The following WNT5A variants were observed in gnomAD, a reference collection of about 807,000 sequenced individuals.
WNT5A encodes Wnt family member 5A.
WNT5A carries 9 observed loss-of-function variants against 42.1 expected under a neutral mutation model. The observed-to-expected ratio is 0.21, with a 90% confidence interval of 0.13 to 0.37. The LOEUF is 0.37. WNT5A is among the 10% of genes least tolerant of loss of function. The pLI, the probability that WNT5A is intolerant of heterozygous loss-of-function variation, is 1.00. For missense variants in WNT5A, 426 were observed against 534.0 expected (o/e 0.80, Z 1.99); for synonymous variants, 210 against 210.0 (o/e 1.00, Z 0.00).
In WNT5A at chr3:55,485,772, AGAG is replaced by A. The variant is rs1167522098; in HGVS notation, c.6+1205_6+1207del. Among the ~76,000 whole-genome samples, 7 of 152,276 alleles carry A rather than the reference AGAG, an allele frequency of 4.6e-5. No individual in the cohort carries two copies. The East Asian group carries it at 7.7e-4, about 17-fold the overall frequency. On this transcript the variant is annotated intron_variant, in intron 1 of 4. Transcript: ENST00000264634. ...AGAGAAGAGAGAAAAGAGAGGCGAG[AGAG>A]GAGAAGGGGCCTCGATACCAGACAG...
At chr3:55,474,245 G>A (rs2051304626) in intron 4 of WNT5A, 92 bp downstream of exon 4, 2 of 1,517,320 alleles carry the variant, frequency 1.3e-6, no homozygotes, top group Non-Finnish European at 1.8e-6. Context: ...AGTGGCAGAG[G>A]AGAGGACGGA....
chr3:55,472,340 A>G (rs1394572222), intron 4 of WNT5A, among the ~76,000 whole-genome samples: 22 of 152,204 alleles, frequency 1.4e-4, no homozygotes, highest in Admixed American at 1.4e-3. Flanking sequence ...GAAGGCTAAG[A>G]AAGTCCCAAA....
chr3:55,481,227 G>A, intron 1 of WNT5A: 1 of 920,332 alleles, frequency 1.1e-6, no homozygotes, highest in South Asian at 4.9e-5. Flanking sequence ...CTGCTCGCTC[G>A]AGTCCCGCAC....
intron 1 of WNT5A, among the ~76,000 whole-genome samples, 182 bp downstream of exon 1, chr3:55,486,798 A>G (rs2107006639): frequency 6.6e-6 from 1 of 152,254 alleles, no homozygotes; most frequent in African/African-American, 2.4e-5. Context: ...TGGGACACTG[A>G]GGCAGTGCGC....
At position 55,468,057 on chromosome 3, in the gene WNT5A, T is replaced by C. The variant is rs537104308; in HGVS notation, c.*2035A>G. ...GCCTAAGGGGGGTATGAAAGATGTG[T>C]ATCTTTCCAAACTTTTAAAACAACG... On this transcript the variant is annotated 3_prime_UTR_variant, in exon 5 of 5. Transcript: ENST00000264634. The C allele has an allele frequency of 6.6e-6, 1 of 151,776 alleles. No individual in the cohort carries two copies. Among genetic ancestry groups the C allele is most frequent in the South Asian group, 2.1e-4 (1 of 4,808 alleles). 9.4% of individuals were successfully genotyped at this position (151,776 alleles called of 1,614,324 possible). A position where few individuals can be genotyped will look rare whatever the true frequency, so the allele number is the denominator to read the frequency against.
the WNT5A span, among the ~76,000 whole-genome samples, chr3:55,500,634 T>A: frequency 2.2e-4 from 33 of 152,340 alleles, no homozygotes; most frequent in South Asian, 6.8e-3. Flanking sequence ...ACCTGTCTGT[T>A]TGACCCCAAA....
chr3:55,482,265 C>CT (rs2051480749), intron 1 of WNT5A, among the ~76,000 whole-genome samples: 1 of 152,208 alleles, frequency 6.6e-6, no homozygotes, highest in Non-Finnish European at 1.5e-5. Flanking sequence ...GCCTTGGAAG[C>CT]TTCCGCTGCC....
At chr3:55,493,612 C>G (rs1381409937), upstream of WNT5A, among the ~76,000 whole-genome samples, 1 of 152,230 alleles carries the variant, frequency 6.6e-6, no homozygotes, top group Non-Finnish European at 1.5e-5. Flanking sequence ...CAAACCCCTA[C>G]TGACTCACAC....
At position 55,472,189 on chromosome 3, in the gene WNT5A, A is replaced by C. The variant is rs188396324; in HGVS notation, c.685-1639T>G. Among the ~76,000 whole-genome samples the C allele has an allele frequency of 3.1e-4, 47 of 152,152 alleles. 1 individual carries two copies. In the East Asian group the frequency reaches 4.2e-3, roughly 14 times the overall value. On this transcript the variant is annotated intron_variant, in intron 4 of 4. Transcript: ENST00000264634. Reference sequence around the variant, plus strand: ...CTACTCCAATGATCAAATTTACCCCAAAAAAACTCGCTACTAAAAAAATGC... The same window carrying C: ...CTACTCCAATGATCAAATTTACCCCCAAAAAACTCGCTACTAAAAAAATGC...
At chr3:55,494,366 A>C (rs2051692509), upstream of WNT5A, among the ~76,000 whole-genome samples, 1 of 152,178 alleles carries the variant, frequency 6.6e-6, no homozygotes, top group Non-Finnish European at 1.5e-5. Flanking sequence ...ATTCTCCGGA[A>C]GGGAAATCTA....
chr3:55,478,376 T>C (rs1008335291), intron 3 of WNT5A, among the ~76,000 whole-genome samples: 1 of 152,194 alleles, frequency 6.6e-6, no homozygotes, highest in Admixed American at 6.5e-5. Flanking sequence ...CTTCAGTCAG[T>C]ATAGACAGTT....
chr3:55,491,506 C>T (rs568813835), upstream of WNT5A, among the ~76,000 whole-genome samples: 7 of 152,284 alleles, frequency 4.6e-5, no homozygotes, highest in Admixed American at 1.3e-4. Context: ...CTCTCCCAAC[C>T]GGATTATTCA....
rs544912525 is a variant in WNT5A at position 55,470,353 on chromosome 3, G to A, written c.882C>T (p.Pro294=). The change falls in exon 5 of 5, where the codon CCC becomes CCT. Residue 294 remains proline, a synonymous_variant. Transcript: ENST00000264634. Reference sequence around the variant, plus strand: ...CGATGTAGACCAGGTCTTGTGTGGTGGGCGAGTTGAAGCGGCTGTTGACCT... The same window carrying A: ...CGATGTAGACCAGGTCTTGTGTGGTAGGCGAGTTGAAGCGGCTGTTGACCT... ...LVQVNSRFNS[P]TTQDLVYIDP... is the part of the protein sequence containing the mutation. 4.3e-6 allele frequency: 7 copies of A among 1,614,056 alleles called. No individual in the cohort carries two copies. The highest frequency in any genetic ancestry group is 1.7e-5 in the Admixed American group (1 of 60,032).
At position 55,467,728 on chromosome 3, in the gene WNT5A, C is replaced by T. The variant is rs2051169118; in HGVS notation, c.*2364G>A. ...TACAGAATAAAGGCTAGAAGATATA[C>T]ATAATATCTGAATGACATGTAGAAT... On this transcript the variant is annotated 3_prime_UTR_variant, in exon 5 of 5. Coordinates refer to ENST00000264634, the MANE Select transcript of WNT5A (RefSeq NM_003392.7). 6.6e-6 allele frequency: 1 copy of T among 152,450 alleles called. No homozygotes were observed. Among genetic ancestry groups the T allele is most frequent in the African/African-American group, 2.4e-5 (1 of 41,408 alleles). 9.4% of individuals were successfully genotyped at this position (152,450 alleles called of 1,614,324 possible). A position where few individuals can be genotyped will look rare whatever the true frequency, so the allele number is the denominator to read the frequency against.
At chr3:55,471,639 G>A (rs1316188077) in intron 4 of WNT5A, among the ~76,000 whole-genome samples, 1 of 152,246 alleles carries the variant, frequency 6.6e-6, no homozygotes, top group African/African-American at 2.4e-5. Flanking sequence ...ACGAGGACAC[G>A]GCATCTGGGC....
chr3:55,491,991 G>C (rs868312769), upstream of WNT5A, among the ~76,000 whole-genome samples: 3 of 152,172 alleles, frequency 2.0e-5, no homozygotes, highest in Admixed American at 6.5e-5. Context: ...GGGGGCAAAG[G>C]CTCCTTTGAA....
In WNT5A at chr3:55,483,950, C is replaced by T. The variant is rs1268353949; in HGVS notation, c.6+3030G>A. On this transcript the variant is annotated intron_variant, in intron 1 of 4. Coordinates refer to ENST00000264634, the MANE Select transcript of WNT5A (RefSeq NM_003392.7). This position sits in a 1 kb window ranked among gnomAD's most constrained non-coding sequence, Gnocchi z 4.2. ...AGTCTCGCAACACCCAACTCCTCCTCCGCAGGCAGTCCCTTAAGAGAATAG... is the reference window on the plus strand; with the variant it reads ...AGTCTCGCAACACCCAACTCCTCCTTCGCAGGCAGTCCCTTAAGAGAATAG... 6.6e-6 allele frequency among the ~76,000 whole-genome samples: 1 copy of T among 151,968 alleles called. No homozygotes were observed. Among genetic ancestry groups the T allele is most frequent in the African/African-American group, 2.4e-5 (1 of 41,374 alleles).
At chr3:55,494,766 T>C (rs2051697814), upstream of WNT5A, among the ~76,000 whole-genome samples, 1 of 152,194 alleles carries the variant, frequency 6.6e-6, no homozygotes. Flanking sequence ...CTTGAACTCT[T>C]GACCTCATGA....
chr3:55,487,010 G>C lies in WNT5A; in HGVS notation c.-25C>G. On this transcript the variant is annotated 5_prime_UTR_variant, in exon 1 of 5. Coordinates refer to ENST00000264634, the MANE Select transcript of WNT5A (RefSeq NM_003392.7). ...TGGCGAGGGGGAGGGGGCGCGGGGA[G>C]GAAGTCGCCACCCGAGCGAGCGCAG... 5.6e-6 allele frequency: 9 copies of C among 1,610,552 alleles called. No homozygotes were observed. Among genetic ancestry groups the C allele is most frequent in the Non-Finnish European group, 7.6e-6 (9 of 1,178,472 alleles).
Sources: allele counts gnomAD v4.1 joint callset (sites outside exome capture counted in the v4.1 genomes callset), GRCh38; gene constraint gnomAD v4.1.1; non-coding constraint Gnocchi (gnomAD v3.1); transcripts MANE v1.5; gene names NCBI Gene and HGNC (gene_info 2026-07-23, HGNC 2026-07-21).